PACS1: variants seen among roughly 807,000 people sequenced by gnomAD.
The protein encoded by PACS1 is PACS-1.
PACS1 carries 24 observed loss-of-function variants against 115.0 expected under a neutral mutation model. The observed-to-expected ratio is 0.21, with a 90% CI of 0.15 to 0.29. The LOEUF is 0.29. Ranked by LOEUF, PACS1 falls within the 10% of genes least tolerant of loss-of-function variation. The pLI is 1.00. For missense variants in PACS1, 838 were observed against 1,251.2 expected (o/e 0.67, Z 4.98); for synonymous variants, 453 against 504.5 (o/e 0.90, Z 1.37).
chr11:66,223,337 G>A (rs1266625134), intron 10 of PACS1, among the ~76,000 whole-genome samples: 1 of 151,244 alleles, frequency 6.6e-6, no homozygotes, highest in Non-Finnish European at 1.5e-5. Context: ...CAGGTGATCC[G>A]CCCGCCTCAG....
chr11:66,211,704 G>A (rs1183764457), intron 4 of PACS1, among the ~76,000 whole-genome samples: 2 of 152,140 alleles, frequency 1.3e-5, no homozygotes, highest in African/African-American at 4.8e-5. Flanking sequence ...TCCTTAACAT[G>A]AGAATACTCT....
chr11:66,211,114 C>T lies in PACS1; in HGVS notation c.535-20C>T. On this transcript the variant is annotated intron_variant, in intron 3 of 23. Coordinates refer to ENST00000320580, the MANE Select transcript of PACS1 (RefSeq NM_018026.4). ...CCAGCTGCCCATTAACCACGCTCGA[C>T]TCTGTTTTGTATTTCGTAGTACCCT... The T allele has an allele frequency of 6.2e-7, 1 of 1,612,794 alleles. No individual in the cohort carries two copies. Among genetic ancestry groups the T allele is most frequent in the Non-Finnish European group, 8.5e-7 (1 of 1,179,098 alleles).
At chr11:66,096,670 A>AT (rs959228896) in intron 1 of PACS1, among the ~76,000 whole-genome samples, 1 of 149,824 alleles carries the variant, frequency 6.7e-6, no homozygotes, top group Non-Finnish European at 1.5e-5. Flanking sequence ...TGCCTGGCTA[A>AT]TTTTTTTTAT....
intron 1 of PACS1, among the ~76,000 whole-genome samples, chr11:66,115,361 G>C (rs1317446651): frequency 1.3e-4 from 20 of 151,996 alleles, no homozygotes; most frequent in African/African-American, 4.6e-4. Context: ...TTTTCAGTTT[G>C]AAATCCTGCT....
At position 66,220,763 on chromosome 11, in the gene PACS1, A is replaced by G. The variant is rs776403064; in HGVS notation, c.1171A>G (p.Ile391Val). Residue 391 changes from isoleucine to valine, a missense_variant, in exon 9 of 24, where the codon ATC becomes GTC. Physicochemically the swap from Ile to Val is conservative, Grantham distance 29. Transcript: ENST00000320580. ...CCCTGAGATGGAGGAGACAGAAAGCATCCTCAGCACGCCAAAGCCCAAGCT... is the reference window on the plus strand; with the variant it reads ...CCCTGAGATGGAGGAGACAGAAAGCGTCCTCAGCACGCCAAAGCCCAAGCT... ...SGPEMEETES[I>V]LSTPKPKLKP... The G allele has an allele frequency of 2.5e-6, 4 of 1,614,060 alleles. No homozygotes were observed. The highest frequency in any genetic ancestry group is 3.4e-6 in the Non-Finnish European group (4 of 1,179,976).
intron 1 of PACS1, among the ~76,000 whole-genome samples, chr11:66,164,876 A>G (rs1433175423): frequency 6.6e-6 from 1 of 152,040 alleles, no homozygotes; most frequent in Non-Finnish European, 1.5e-5. Context: ...TTAACAGGGA[A>G]TCCTCAGAAC....
At chr11:66,099,647 G>A (rs889777269) in intron 1 of PACS1, among the ~76,000 whole-genome samples, 5 of 147,436 alleles carry the variant, frequency 3.4e-5, no homozygotes, top group Non-Finnish European at 7.5e-5. Context: ...CTGGGCTCAA[G>A]TCATCCTCCC....
Position 66,211,145 on chromosome 11 carries a change from C to T in PACS1, c.546C>T (p.Phe182=). ...TTTGTATTTCGTAGTACCCTCATTT[C>T]CTTAAGCGAGATGCCAACAAGCTGC... ...QLTFSLQYPH[F]LKRDANKLQI... is the part of the protein sequence containing the mutation. The change falls in exon 4 of 24, where the codon TTC becomes TTT. Residue 182 remains phenylalanine (F), a synonymous_variant. Coordinates refer to ENST00000320580, the MANE Select transcript of PACS1 (RefSeq NM_018026.4). 14 of 1,613,710 alleles carry T rather than the reference C, an allele frequency of 8.7e-6. No individual in the cohort carries two copies. Among genetic ancestry groups the T allele is most frequent in the Non-Finnish European group, 1.2e-5 (14 of 1,179,680 alleles).
In PACS1 at chr11:66,070,387, G is replaced by C; in HGVS notation, c.-100G>C. On this transcript the variant is annotated 5_prime_UTR_variant, in exon 1 of 24. Coordinates refer to ENST00000320580, the MANE Select transcript of PACS1 (RefSeq NM_018026.4). This position sits in a 1 kb window ranked among gnomAD's most constrained non-coding sequence, Gnocchi z 5.9. Reference sequence around the variant, plus strand: ...TGGCTGCTCGCGCTCGGGCAGGCGGGCTGAGGAGGCTGCCGCGCCCCCGCC... The same window carrying C: ...TGGCTGCTCGCGCTCGGGCAGGCGGCCTGAGGAGGCTGCCGCGCCCCCGCC... 2 of 658,750 alleles carry C rather than the reference G, an allele frequency of 3.0e-6. No homozygotes were observed. The highest frequency in any genetic ancestry group is 4.1e-6 in the Non-Finnish European group (2 of 482,196). 40.8% of individuals were successfully genotyped at this position (658,750 alleles called of 1,614,324 possible). A position where few individuals can be genotyped will look rare whatever the true frequency, so the allele number is the denominator to read the frequency against.
chr11:66,082,352 G>A (rs1156926039), intron 1 of PACS1, among the ~76,000 whole-genome samples: 1 of 152,066 alleles, frequency 6.6e-6, no homozygotes, highest in Admixed American at 6.6e-5. Context: ...AGTCTTCCAA[G>A]TAAAGGTCCA....
chr11:66,087,680 C>T (rs79122960), intron 1 of PACS1, among the ~76,000 whole-genome samples: 4,595 of 152,234 alleles, frequency 0.03, 84 homozygotes, highest in South Asian at 0.071. Context: ...GTGTACAGTC[C>T]GCTGTTGATG....
intron 1 of PACS1, among the ~76,000 whole-genome samples, chr11:66,115,195 C>A (rs1858277366): frequency 7.5e-6 from 1 of 132,782 alleles, no homozygotes. Flanking sequence ...GGTAATAGAG[C>A]GAGACCCTAT....
chr11:66,115,346 T>C (rs1175103731), intron 1 of PACS1, among the ~76,000 whole-genome samples: 1 of 152,166 alleles, frequency 6.6e-6, no homozygotes, highest in African/African-American at 2.4e-5. Context: ...TTTTTCTCTC[T>C]CCCTTTTTCA....
At chr11:66,152,115 T>A (rs748752612) in intron 1 of PACS1, among the ~76,000 whole-genome samples, 1 of 152,078 alleles carries the variant, frequency 6.6e-6, no homozygotes, top group South Asian at 2.1e-4. Context: ...GTGCCTGTAG[T>A]GCCAGCTACT....
At chr11:66,172,600 A>G (rs746907800) in intron 1 of PACS1, among the ~76,000 whole-genome samples, 1 of 152,134 alleles carries the variant, frequency 6.6e-6, no homozygotes, top group Non-Finnish European at 1.5e-5. Flanking sequence ...CCAGCCACCA[A>G]CTGGATGGCA....
rs572697 is a variant in PACS1 at position 66,234,199 on chromosome 11, T to A, written c.2061T>A (p.Ser687=). ...DSKYSSSFLD[S]GWRDLFSRSE... ...AATACAGTAGTTCCTTCCTGGATTCTGGTTGGAGAGATCTGTTCAGTCGCT... is the reference window on the plus strand; with the variant it reads ...AATACAGTAGTTCCTTCCTGGATTCAGGTTGGAGAGATCTGTTCAGTCGCT... Residue 687 remains serine, a synonymous_variant, in exon 17 of 24, where the codon TCT becomes TCA. Coordinates refer to ENST00000320580, the MANE Select transcript of PACS1 (RefSeq NM_018026.4). 2.6e-3 allele frequency: 4,123 copies of A among 1,614,152 alleles called. 76 individuals are homozygous for A. The African/African-American group carries it at 0.048, about 19-fold the overall frequency.
chr11:66,204,231 G>A (rs549700879), intron 2 of PACS1, among the ~76,000 whole-genome samples: 5 of 152,150 alleles, frequency 3.3e-5, no homozygotes, highest in Non-Finnish European at 5.9e-5. Flanking sequence ...ATGGGCAAAC[G>A]ATCTGAATAG....
At chr11:66,108,907 T>G (rs1332396950) in intron 1 of PACS1, among the ~76,000 whole-genome samples, 1 of 152,158 alleles carries the variant, frequency 6.6e-6, no homozygotes, top group Non-Finnish European at 1.5e-5. Context: ...AGTTCAGGGC[T>G]GCAATGAGCT....
At chr11:66,080,766 A>G (rs1183544041) in intron 1 of PACS1, among the ~76,000 whole-genome samples, 1 of 152,208 alleles carries the variant, frequency 6.6e-6, no homozygotes, top group East Asian at 1.9e-4. Context: ...GCCAGCTGGA[A>G]TTACAAAACA....
Sources: gnomAD v4.1 joint callset for allele counts (sites outside exome capture counted in the v4.1 genomes callset) on GRCh38, gnomAD v4.1.1 for gene constraint, Gnocchi (gnomAD v3.1) non-coding constraint, MANE v1.5 for transcripts, NCBI Gene and HGNC (gene_info 2026-07-23, HGNC 2026-07-21) for gene names.